The following PPP2R5C variants were observed in gnomAD, a reference collection of about 807,000 sequenced individuals.
PPP2R5C encodes protein phosphatase 2 regulatory subunit B'gamma.
In PPP2R5C, 7 loss-of-function variants were observed where a neutral mutation model predicts 68.9. The observed-to-expected ratio is 0.10, with a 90% CI of 0.06 to 0.19. PPP2R5C has a LOEUF of 0.19. Ranked by LOEUF, PPP2R5C falls within the 10% of genes least tolerant of loss-of-function variation. The pLI, the probability that PPP2R5C is intolerant of heterozygous loss-of-function variation, is 1.00. For synonymous variants in PPP2R5C, 210 were observed against 222.2 expected (o/e 0.95, Z 0.49); for missense variants, 348 against 641.3 (o/e 0.54, Z 4.94).
chr14:101,803,872 TG>T (rs2038970859), intron 3 of PPP2R5C, among the ~76,000 whole-genome samples: 1 of 151,784 alleles, frequency 6.6e-6, no homozygotes, highest in African/African-American at 2.4e-5. Context: ...CAGGGACAAA[TG>T]GGATCACATC....
chr14:101,768,204 CCT>C (rs1245720751), intron 2 of PPP2R5C, among the ~76,000 whole-genome samples: 5 of 152,306 alleles, frequency 3.3e-5, no homozygotes, highest in Non-Finnish European at 5.9e-5. Flanking sequence ...CAAATCGCCC[CCT>C]GTTGAGCCAC....
Position 101,833,089 on chromosome 14 carries a change from G to A in PPP2R5C, c.94+23053G>A, listed in dbSNP as rs561447078. Among the ~76,000 whole-genome samples the A allele has an allele frequency of 1.8e-3, 270 of 152,334 alleles. 2 individuals are homozygous for A. Among genetic ancestry groups the A allele is most frequent in the Non-Finnish European group, 3.3e-3 (223 of 68,026 alleles). On this transcript the variant is annotated intron_variant, in intron 1 of 13. Coordinates refer to ENST00000334743, the Ensembl canonical transcript of PPP2R5C. ...ATCTGCCTGATTCTTCCCATGTTCC[G>A]TCTAGTGAGAAGTCGTCAGTAGCTT...
chr14:101,901,630 G>A, intron 8 of PPP2R5C, 89 bp from the exon 11 acceptor site: 2 of 1,343,482 alleles, frequency 1.5e-6, no homozygotes, highest in Non-Finnish European at 2.1e-6. Flanking sequence ...CTTGCAGTGG[G>A]GCCACCGCAG....
intron 1 of PPP2R5C, among the ~76,000 whole-genome samples, chr14:101,846,509 C>T (rs953059304): frequency 4.6e-5 from 7 of 152,126 alleles, no homozygotes; most frequent in Non-Finnish European, 7.4e-5. Context: ...ACAAACAGTA[C>T]GAGAAGATTA....
In PPP2R5C at chr14:101,797,044, CTT is replaced by C. The variant is rs1430046802; in HGVS notation, c.259+10864_259+10865del. On this transcript the variant is annotated intron_variant, in intron 3 of 14. Transcript: ENST00000328724. This position sits in a 1 kb window ranked among gnomAD's most constrained non-coding sequence, Gnocchi z 4.2. ...CCATCACTACTATCTCTACCCAAAA[CTT>C]TTCATCATCCCCAACAAAAACTCCA... The C allele has an allele frequency of 4.8e-6, 2 of 418,546 alleles. No homozygotes were observed. The highest frequency in any genetic ancestry group is 3.5e-5 in the South Asian group (2 of 57,618). 25.9% of individuals were successfully genotyped at this position (418,546 alleles called of 1,614,324 possible).
rs1349368357 is a variant in PPP2R5C, at chr14:101,781,571, C to T, written c.94-4447C>T. ...CACCCCTCTGCCCCAACCACGTTTT[C>T]TCAAGAGTGTTGTCTGTCCCGGCCT... On this transcript the variant is annotated intron_variant, in intron 2 of 14. Transcript: ENST00000328724. The surrounding 1 kb of genome is among the most constrained non-coding windows in gnomAD (Gnocchi z 6.4). Among the ~76,000 whole-genome samples, 1 of 148,612 alleles carries T rather than the reference C, an allele frequency of 6.7e-6. No individual in the cohort carries two copies. Among genetic ancestry groups the T allele is most frequent in the African/African-American group, 2.5e-5 (1 of 40,550 alleles).
chr14:101,797,044 C>T lies in PPP2R5C; in HGVS notation c.259+10861C>T. The T allele has an allele frequency of 2.4e-6, 1 of 418,546 alleles. No individual in the cohort carries two copies. The allele number at this position is 418,546 out of a possible 1,614,324, so 25.9% of individuals were successfully genotyped here. ...CCATCACTACTATCTCTACCCAAAA[C>T]TTTTCATCATCCCCAACAAAAACTC... is the stretch of plus-strand genomic sequence containing the variant. On this transcript the variant is annotated intron_variant, in intron 3 of 14. Coordinates refer to the PPP2R5C transcript ENST00000328724. This position sits in a 1 kb window ranked among gnomAD's most constrained non-coding sequence, Gnocchi z 4.2.
At chr14:101,786,410 A>C (rs1427812469) in intron 3 of PPP2R5C, among the ~76,000 whole-genome samples, 1 of 152,098 alleles carries the variant, frequency 6.6e-6, no homozygotes, top group African/African-American at 2.4e-5. Context: ...AACACAGTAT[A>C]GGCATAATAC....
chr14:101,828,387 T>C (rs2040530257), intron 1 of PPP2R5C, among the ~76,000 whole-genome samples: 1 of 152,198 alleles, frequency 6.6e-6, no homozygotes, highest in Non-Finnish European at 1.5e-5. Context: ...GTTCATTGTA[T>C]GTTATATGAA....
At chr14:101,845,058 T>C (rs1298997527) in intron 1 of PPP2R5C, among the ~76,000 whole-genome samples, 1 of 152,070 alleles carries the variant, frequency 6.6e-6, no homozygotes, top group African/African-American at 2.4e-5. Flanking sequence ...AAATATGGCC[T>C]GTATCTGGAA....
chr14:101,896,527 A>G (rs932345989), intron 8 of PPP2R5C, among the ~76,000 whole-genome samples: 2 of 150,960 alleles, frequency 1.3e-5, no homozygotes, highest in African/African-American at 4.9e-5. Flanking sequence ...TGAGCCCAAG[A>G]GTTGGAGACC....
chr14:101,817,249 C>T (rs1052949042), intron 1 of PPP2R5C, among the ~76,000 whole-genome samples: 2 of 151,994 alleles, frequency 1.3e-5, no homozygotes, highest in South Asian at 4.1e-4. Context: ...AGCCACTGCC[C>T]CAGGATGAGA....
At chr14:101,762,219 G>C (rs965312522) in intron 1 of PPP2R5C, among the ~76,000 whole-genome samples, 30 of 152,048 alleles carry the variant, frequency 2.0e-4, no homozygotes, top group Admixed American at 5.9e-4. Flanking sequence ...GGAGGGGGTC[G>C]GAGGGGCGCC....
At chr14:101,914,116 A>G (rs2046530282) in intron 12 of PPP2R5C, 1 of 447,938 alleles carries the variant, frequency 2.2e-6, no homozygotes, top group East Asian at 7.0e-5. Flanking sequence ...GAATGTTCTC[A>G]AGTAACTTTC....
chr14:101,865,117 A>G (rs976568884), intron 2 of PPP2R5C, among the ~76,000 whole-genome samples: 1 of 152,172 alleles, frequency 6.6e-6, no homozygotes, highest in Non-Finnish European at 1.5e-5. Context: ...TTCAGGGGAA[A>G]GAGCATGGGC....
intron 2 of PPP2R5C, among the ~76,000 whole-genome samples, chr14:101,857,428 A>G (rs2042486971): frequency 6.6e-6 from 1 of 152,132 alleles, no homozygotes; most frequent in Non-Finnish European, 1.5e-5. Context: ...GCCACCTGTC[A>G]GTGCTAGGAT....
chr14:101,912,552 A>G (rs190005489), intron 12 of PPP2R5C, 79 bp downstream of exon 14: 21 of 1,423,830 alleles, frequency 1.5e-5, no homozygotes, highest in South Asian at 3.3e-5. Context: ...TGTCTTCACC[A>G]TGGGGGGGGT....
At chr14:101,859,935 C>A (rs1332728589) in intron 2 of PPP2R5C, among the ~76,000 whole-genome samples, 2 of 149,886 alleles carry the variant, frequency 1.3e-5, no homozygotes, top group Admixed American at 1.3e-4. Context: ...TTTGAAGAAT[C>A]CAAAGCTTTA....
At chr14:101,768,735 G>A (rs1220685349) in intron 2 of PPP2R5C, among the ~76,000 whole-genome samples, 2 of 151,896 alleles carry the variant, frequency 1.3e-5, no homozygotes, top group African/African-American at 4.8e-5. Context: ...CCCTGAAAGG[G>A]TCAAGGGACA....
Sources: allele counts gnomAD v4.1 joint callset (sites outside exome capture counted in the v4.1 genomes callset), GRCh38; gene constraint gnomAD v4.1.1; non-coding constraint Gnocchi (gnomAD v3.1); transcripts MANE v1.5; gene names NCBI Gene and HGNC (gene_info 2026-07-23, HGNC 2026-07-21).